Variants in LRBA observed in about 807,000 individuals in gnomAD.
The protein encoded by LRBA is lipopolysaccharide-responsive and beige-like anchor protein.
Under a neutral mutation model 330.0 loss-of-function variants are expected in LRBA, and 176 were observed. That is an observed-to-expected ratio of 0.53 (90% confidence interval 0.47 to 0.60). The LOEUF is 0.60. LRBA is among the 20% of genes least tolerant of loss of function. The pLI, the probability that LRBA is intolerant of heterozygous loss-of-function variation, is 0.00. For missense variants in LRBA, 3,259 were observed against 3,444.8 expected (o/e 0.95, Z 1.35); for synonymous variants, 1,230 against 1,193.0 (o/e 1.03, Z -0.64).
intron 44 of LRBA, among the ~76,000 whole-genome samples, chr4:150,445,527 G>A (rs905215208): frequency 1.3e-5 from 2 of 151,338 alleles, no homozygotes; most frequent in African/African-American, 4.9e-5. Context: ...TCAATGATTT[G>A]CATGTGAAGC....
intron 22 of LRBA, among the ~76,000 whole-genome samples, chr4:150,862,252 C>A (rs980599467): frequency 6.6e-6 from 1 of 152,172 alleles, no homozygotes. Context: ...CAGCACTATT[C>A]ACAATAGCAA....
chr4:150,967,435 TTAGCTC>T (rs1381684778), intron 2 of LRBA, among the ~76,000 whole-genome samples: 1 of 152,224 alleles, frequency 6.6e-6, no homozygotes, highest in African/African-American at 2.4e-5. Flanking sequence ...AATTCAAAGT[TTAGCTC>T]TAGCCCCACT....
intron 34 of LRBA, among the ~76,000 whole-genome samples, chr4:150,768,556 T>C (rs1427020884): frequency 6.6e-6 from 1 of 152,184 alleles, no homozygotes; most frequent in Non-Finnish European, 1.5e-5. Flanking sequence ...ACTATGACAT[T>C]GTGAGTGATA....
At chr4:150,693,463 C>T (rs1005587260) in intron 36 of LRBA, among the ~76,000 whole-genome samples, 4 of 143,816 alleles carry the variant, frequency 2.8e-5, no homozygotes, top group Middle Eastern at 7.2e-3. Context: ...ACTTGGGAGG[C>T]TGAGGCAGGA....
intron 35 of LRBA, among the ~76,000 whole-genome samples, chr4:150,752,855 A>G (rs1016461729): frequency 2.0e-5 from 3 of 152,216 alleles, no homozygotes; most frequent in Non-Finnish European, 4.4e-5. Flanking sequence ...TTTAGATAAA[A>G]TAATTTCTTA....
rs115452352 is a variant in LRBA, at chr4:150,520,688, G to T, written c.6331-29653C>A. Among the ~76,000 whole-genome samples the T allele has an allele frequency of 7.2e-3, 1,098 of 152,236 alleles. 9 individuals are homozygous for T. The highest frequency in any genetic ancestry group is 0.012 in the Non-Finnish European group (805 of 68,000). On this transcript the variant is annotated intron_variant, in intron 40 of 56. Coordinates refer to ENST00000651943, the MANE Select transcript of LRBA (RefSeq NM_001364905.1). ...TCCTAAGCAAACTAACGCAGAAACA[G>T]AAAGCCAAATACCACACATTCTCAC...
At chr4:150,987,230 G>A (rs1185156448) in intron 2 of LRBA, among the ~76,000 whole-genome samples, 1 of 152,122 alleles carries the variant, frequency 6.6e-6, no homozygotes, top group Non-Finnish European at 1.5e-5. Context: ...TTGCAATTAA[G>A]AATATTTTAC....
At chr4:150,558,085 G>A (rs1029973161) in intron 40 of LRBA, among the ~76,000 whole-genome samples, 1 of 152,108 alleles carries the variant, frequency 6.6e-6, no homozygotes, top group Non-Finnish European at 1.5e-5. Flanking sequence ...TTTTAGTAGA[G>A]ATGGGTTTTT....
At chr4:150,800,023 G>A (rs528339624) in intron 33 of LRBA, among the ~76,000 whole-genome samples, 1 of 152,302 alleles carries the variant, frequency 6.6e-6, no homozygotes, top group South Asian at 2.1e-4. Flanking sequence ...GGGATTACAG[G>A]CGTGAGCCAC....
intron 47 of LRBA, among the ~76,000 whole-genome samples, chr4:150,379,303 CAAAA>C (rs10634420): frequency 3.3e-5 from 2 of 59,882 alleles, no homozygotes; most frequent in African/African-American, 1.4e-4. Flanking sequence ...AACTCTAGCT[CAAAA>C]AAAAAAAAAA....
chr4:150,786,255 T>A (rs1457506149), intron 34 of LRBA, among the ~76,000 whole-genome samples: 1 of 46,146 alleles, frequency 2.2e-5, no homozygotes, highest in South Asian at 7.3e-4. Context: ...TTTGCATTTC[T>A]TTTTTTTTTT....
At chr4:150,276,480 A>G (rs1290317799) in intron 56 of LRBA, among the ~76,000 whole-genome samples, 2 of 152,242 alleles carry the variant, frequency 1.3e-5, no homozygotes, top group African/African-American at 2.4e-5. Context: ...CTATCATCAG[A>G]GTGAACAGGT....
At chr4:150,441,177 C>T (rs1234790859) in intron 44 of LRBA, among the ~76,000 whole-genome samples, 1 of 151,750 alleles carries the variant, frequency 6.6e-6, no homozygotes, top group Non-Finnish European at 1.5e-5. Context: ...AAAAAAGGCA[C>T]TAAGTAAGCC....
At chr4:150,318,129 C>T (rs903154925) in intron 50 of LRBA, among the ~76,000 whole-genome samples, 17 of 152,108 alleles carry the variant, frequency 1.1e-4, no homozygotes, top group Non-Finnish European at 2.1e-4. Flanking sequence ...TTTTCTCACT[C>T]GGATTTTATG....
At chr4:150,625,717 A>AT (rs199667299) in intron 37 of LRBA, among the ~76,000 whole-genome samples, 168 of 145,216 alleles carry the variant, frequency 1.2e-3, no homozygotes, top group Admixed American at 3.0e-3. Flanking sequence ...AATTATTATT[A>AT]TTTTTTTTTT....
chr4:150,387,553 T>C (rs906342705), intron 47 of LRBA, among the ~76,000 whole-genome samples: 1 of 152,172 alleles, frequency 6.6e-6, no homozygotes, highest in Non-Finnish European at 1.5e-5. Context: ...TATTATAAGA[T>C]TGATGTTATG....
At chr4:150,950,783 G>A (rs902727946) in intron 2 of LRBA, among the ~76,000 whole-genome samples, 6 of 152,080 alleles carry the variant, frequency 3.9e-5, no homozygotes, top group African/African-American at 1.4e-4. Flanking sequence ...ATGGAATTCT[G>A]ACAAGAAAGT....
chr4:150,392,333 C>T (rs1744097104), intron 47 of LRBA, among the ~76,000 whole-genome samples: 1 of 152,162 alleles, frequency 6.6e-6, no homozygotes, highest in Non-Finnish European at 1.5e-5. Flanking sequence ...ACAGTGCCTT[C>T]TCACTAGTTC....
chr4:150,939,611 C>A (rs1021747621), intron 2 of LRBA, among the ~76,000 whole-genome samples: 2 of 152,130 alleles, frequency 1.3e-5, no homozygotes, highest in Non-Finnish European at 2.9e-5. Context: ...CTAATACATC[C>A]CAACATCTCC....
Sources: allele counts gnomAD v4.1 joint callset (sites outside exome capture counted in the v4.1 genomes callset), GRCh38; gene constraint gnomAD v4.1.1; transcripts MANE v1.5; gene names NCBI Gene and HGNC (gene_info 2026-07-23, HGNC 2026-07-21).